The following GMPS variants were observed in gnomAD, a reference collection of about 807,000 sequenced individuals.
GMPS encodes the protein guanosine monophosphate synthase.
Under a neutral mutation model 77.9 loss-of-function variants are expected in GMPS, and 15 were observed. That is an observed-to-expected ratio of 0.19 (90% CI 0.13 to 0.30). GMPS has a LOEUF of 0.30. GMPS is among the 10% of genes least tolerant of loss of function. GMPS has a pLI of 1.00. For missense variants in GMPS, 590 were observed against 838.8 expected (o/e 0.70, Z 3.66); for synonymous variants, 224 against 275.9 (o/e 0.81, Z 1.86).
chr3:155,906,857 C>G (rs764662267), intron 5 of GMPS, among the ~76,000 whole-genome samples: 48 of 152,054 alleles, frequency 3.2e-4, no homozygotes, highest in Non-Finnish European at 2.8e-4. Context: ...GTTTGCTGAC[C>G]CATGCTCTTA....
At chr3:155,926,623 T>G (rs1164748520) in intron 12 of GMPS, among the ~76,000 whole-genome samples, 1 of 152,226 alleles carries the variant, frequency 6.6e-6, no homozygotes, top group Non-Finnish European at 1.5e-5. Context: ...TTTCAGAGAT[T>G]ATTCTTCTAA....
intron 9 of GMPS, 57 bp from the exon 10 acceptor site, chr3:155,919,176 T>C: frequency 4.1e-6 from 3 of 732,766 alleles, no homozygotes; most frequent in Non-Finnish European, 7.0e-6. Flanking sequence ...TTACGCTTTG[T>C]TTTCCATGTC....
chr3:155,922,451 T>C (rs1034916514), intron 11 of GMPS, 149 bp downstream of exon 11: 19 of 478,282 alleles, frequency 4.0e-5, no homozygotes, highest in African/African-American at 3.9e-4. Flanking sequence ...ATTCCACAGA[T>C]ATTCTTATAT....
chr3:155,923,483 A>G (rs1451429974), intron 11 of GMPS, among the ~76,000 whole-genome samples: 1 of 152,166 alleles, frequency 6.6e-6, no homozygotes, highest in Middle Eastern at 3.2e-3. Flanking sequence ...TTTGACACCT[A>G]GTAAGCACAT....
At chr3:155,893,490 G>A in intron 1 of GMPS, 28 bp from the exon 2 acceptor site, 1 of 1,475,122 alleles carries the variant, frequency 6.8e-7, no homozygotes, top group Non-Finnish European at 9.2e-7. Flanking sequence ...TCATAATTAA[G>A]ACTTTGTATT....
At chr3:155,896,529 T>G (rs1225852741) in intron 2 of GMPS, among the ~76,000 whole-genome samples, 1 of 152,048 alleles carries the variant, frequency 6.6e-6, no homozygotes, top group East Asian at 1.9e-4. Flanking sequence ...GCTGTTTTTT[T>G]AAAAAATGAT....
chr3:155,941,762 T>G lies in GMPS; in HGVS notation c.*4070T>G. On this transcript the variant is annotated 3_prime_UTR_variant, in exon 16 of 16. Coordinates refer to ENST00000496455, the MANE Select transcript of GMPS (RefSeq NM_003875.3). ...TTAACACCACCAGATGATCAAGGGATCAGGGTATCTTTCTGGTATCTTTTT... is the reference window on the plus strand; with the variant it reads ...TTAACACCACCAGATGATCAAGGGAGCAGGGTATCTTTCTGGTATCTTTTT... The G allele has an allele frequency of 4.5e-6, 1 of 220,438 alleles. No homozygotes were observed. Among genetic ancestry groups the G allele is most frequent in the Admixed American group, 5.8e-5 (1 of 17,348 alleles). The allele number at this position is 220,438 out of a possible 1,614,324, so 13.7% of individuals were successfully genotyped here.
At chr3:155,896,116 TCTC>T (rs1250947021) in intron 2 of GMPS, among the ~76,000 whole-genome samples, 15 of 152,048 alleles carry the variant, frequency 9.9e-5, no homozygotes, top group Admixed American at 4.6e-4. Context: ...TTCACACCAT[TCTC>T]CTGCCTCAGC....
At chr3:155,910,985 T>C (rs1755022750) in intron 6 of GMPS, 100 bp downstream of exon 6, 2 of 1,086,268 alleles carry the variant, frequency 1.8e-6, no homozygotes, top group Non-Finnish European at 1.3e-6. Flanking sequence ...TCTACAGTTT[T>C]AGAGTGCTTT....
chr3:155,936,611 G>T, intron 15 of GMPS, 101 bp downstream of exon 15: 8 of 691,924 alleles, frequency 1.2e-5, no homozygotes, highest in South Asian at 2.2e-5. Flanking sequence ...TTCTTATGTT[G>T]GTTTTCTGTT....
intron 8 of GMPS, among the ~76,000 whole-genome samples, chr3:155,915,524 C>G (rs918906273): frequency 2.0e-5 from 3 of 152,174 alleles, no homozygotes; most frequent in Non-Finnish European, 4.4e-5. Context: ...GCCTCAACTT[C>G]CTGAGTAGCT....
intron 1 of GMPS, among the ~76,000 whole-genome samples, chr3:155,871,170 T>TC (rs1209230295): frequency 6.6e-6 from 1 of 151,592 alleles, no homozygotes; most frequent in Non-Finnish European, 1.5e-5. Context: ...GGCCCCCGCC[T>TC]CCCCCGCGCC....
rs1755825237 is a variant in GMPS, at chr3:155,938,942, T to G, written c.*1250T>G. ...GTTACCATATTTTTCTCTTAACAAT[T>G]CCATCTCAGGTTGCTGCTGCTTGTC... On this transcript the variant is annotated 3_prime_UTR_variant, in exon 16 of 16. Transcript: ENST00000496455. 4.6e-6 allele frequency: 1 copy of G among 217,560 alleles called. No individual in the cohort carries two copies. 13.5% of individuals were successfully genotyped at this position (217,560 alleles called of 1,614,324 possible).
At chr3:155,928,356 A>T (rs1342292436) in intron 12 of GMPS, among the ~76,000 whole-genome samples, 1 of 152,016 alleles carries the variant, frequency 6.6e-6, no homozygotes, top group Non-Finnish European at 1.5e-5. Flanking sequence ...ATGCTATCAC[A>T]TTAGCATTCA....
rs759125612 is a variant in GMPS, at chr3:155,938,939, A to G, written c.*1247A>G. 4.6e-6 allele frequency: 1 copy of G among 217,490 alleles called. No homozygotes were observed. Among genetic ancestry groups the G allele is most frequent in the Non-Finnish European group, 9.2e-6 (1 of 108,268 alleles). The allele number at this position is 217,490 out of a possible 1,614,324, so 13.5% of individuals were successfully genotyped here. A position where few individuals can be genotyped will look rare whatever the true frequency, so the allele number is the denominator to read the frequency against. ...AATGTTACCATATTTTTCTCTTAAC[A>G]ATTCCATCTCAGGTTGCTGCTGCTT... On this transcript the variant is annotated 3_prime_UTR_variant, in exon 16 of 16. Coordinates refer to ENST00000496455, the MANE Select transcript of GMPS (RefSeq NM_003875.3).
chr3:155,871,650 T>C (rs1196484652), intron 1 of GMPS, among the ~76,000 whole-genome samples: 1 of 152,004 alleles, frequency 6.6e-6, no homozygotes, highest in African/African-American at 2.4e-5. Context: ...GCTTGCTCCC[T>C]GTCGAGCTTG....
At chr3:155,882,563 A>G (rs1025440287) in intron 1 of GMPS, among the ~76,000 whole-genome samples, 3 of 152,232 alleles carry the variant, frequency 2.0e-5, no homozygotes, top group Non-Finnish European at 4.4e-5. Context: ...TGCAATGAAG[A>G]CCATTTAAAA....
In GMPS at chr3:155,893,942, T is replaced by G. The variant is rs186536929; in HGVS notation, c.209+243T>G. Among the ~76,000 whole-genome samples, 207 of 152,302 alleles carry G rather than the reference T, an allele frequency of 1.4e-3. 1 individual carries two copies. Among genetic ancestry groups the G allele is most frequent in the African/African-American group, 4.8e-3 (199 of 41,574 alleles). ...TTTGAGTATTTTATGTTTTATAGGA[T>G]TTGTGGGTCAGAGTTAGATGTAGCT... On this transcript the variant is annotated intron_variant, in intron 2 of 15. Transcript: ENST00000496455.
chr3:155,935,376 G>A (rs1361043419), intron 14 of GMPS, among the ~76,000 whole-genome samples: 2 of 152,142 alleles, frequency 1.3e-5, no homozygotes, highest in Non-Finnish European at 2.9e-5. Flanking sequence ...TAGAGATAGG[G>A]TTTTGCCATT....
Sources: allele counts gnomAD v4.1 joint callset (sites outside exome capture counted in the v4.1 genomes callset), GRCh38; gene constraint gnomAD v4.1.1; transcripts MANE v1.5; gene names NCBI Gene and HGNC (gene_info 2026-07-23, HGNC 2026-07-21).